Variants in MAF observed in about 807,000 individuals in gnomAD.
The protein encoded by MAF is transcription factor Maf.
In MAF, 10 loss-of-function variants were observed where a neutral mutation model predicts 22.0. That is an observed-to-expected ratio of 0.45 (90% CI 0.28 to 0.77). The LOEUF (loss-of-function observed/expected upper bound fraction) is 0.77. MAF is among the 30% of genes least tolerant of loss of function. MAF has a pLI of 0.12. For synonymous variants in MAF, 337 were observed against 255.8 expected, an observed-to-expected ratio of 1.32 and a Z score of -3.03; for missense variants, 544 against 548.4, an observed-to-expected ratio of 0.99 and a Z score of 0.08.
chr16:79,482,662 G>A, the MAF span, among the ~76,000 whole-genome samples: 9 of 152,106 alleles, frequency 5.9e-5, no homozygotes, highest in Non-Finnish European at 1.5e-5. Context: ...CATGCTCACA[G>A]CGTGGCCCTG....
At chr16:79,411,301 G>C in the MAF span, among the ~76,000 whole-genome samples, 3 of 152,030 alleles carry the variant, frequency 2.0e-5, no homozygotes, top group South Asian at 6.2e-4. Flanking sequence ...GAATTAATTG[G>C]GTTTTCTATG....
At chr16:79,344,702 T>G in the MAF span, among the ~76,000 whole-genome samples, 1 of 152,220 alleles carries the variant, frequency 6.6e-6, no homozygotes, top group Non-Finnish European at 1.5e-5. Flanking sequence ...GAGAGCTTAC[T>G]GAAACACTGA....
At chr16:79,585,662 A>T (rs1185655511), downstream of MAF, among the ~76,000 whole-genome samples, 1 of 152,214 alleles carries the variant, frequency 6.6e-6, no homozygotes, top group Non-Finnish European at 1.5e-5. Flanking sequence ...TGATTCTCAC[A>T]TATATCGCAT....
chr16:79,491,429 T>C, the MAF span, among the ~76,000 whole-genome samples: 1 of 152,162 alleles, frequency 6.6e-6, no homozygotes, highest in African/African-American at 2.4e-5. Flanking sequence ...TTCTTCTTTG[T>C]TGAACACAAG....
At chr16:79,237,831 C>T in the MAF span, among the ~76,000 whole-genome samples, 1 of 152,070 alleles carries the variant, frequency 6.6e-6, no homozygotes, top group South Asian at 2.1e-4. Flanking sequence ...TATTTCTAGA[C>T]ACTGACAAAT....
chr16:79,299,194 G>C, the MAF span, among the ~76,000 whole-genome samples: 1 of 152,120 alleles, frequency 6.6e-6, no homozygotes, highest in Non-Finnish European at 1.5e-5. Flanking sequence ...TTTGCCCTTT[G>C]GCTAAAAGCT....
At chr16:79,371,404 A>G in the MAF span, among the ~76,000 whole-genome samples, 1 of 152,148 alleles carries the variant, frequency 6.6e-6, no homozygotes, top group Non-Finnish European at 1.5e-5. Flanking sequence ...CCTCCTCTCA[A>G]TGGGACGAGT....
At chr16:79,330,090 A>C in the MAF span, among the ~76,000 whole-genome samples, 1 of 152,174 alleles carries the variant, frequency 6.6e-6, no homozygotes, top group African/African-American at 2.4e-5. Flanking sequence ...CTATTTTCAT[A>C]CCGATTTATT....
chr16:79,382,805 G>C, the MAF span, among the ~76,000 whole-genome samples: 1 of 152,182 alleles, frequency 6.6e-6, no homozygotes, highest in Non-Finnish European at 1.5e-5. Context: ...TTGAGGTTTG[G>C]AGCAAGGCAG....
chr16:79,426,852 GGT>G, the MAF span, among the ~76,000 whole-genome samples: 21 of 152,276 alleles, frequency 1.4e-4, no homozygotes, highest in Admixed American at 3.3e-4. Context: ...CAACACATAG[GGT>G]GTATAATAAA....
At chr16:79,218,347 G>C in the MAF span, among the ~76,000 whole-genome samples, 19 of 151,906 alleles carry the variant, frequency 1.3e-4, no homozygotes, top group South Asian at 4.2e-4. Context: ...CCCTACTGTG[G>C]GACATTTAGG....
At chr16:79,363,414 A>T in the MAF span, among the ~76,000 whole-genome samples, 1 of 152,248 alleles carries the variant, frequency 6.6e-6, no homozygotes, top group Admixed American at 6.5e-5. Flanking sequence ...GAACACTTCA[A>T]TTAGCCTACA....
the MAF span, among the ~76,000 whole-genome samples, chr16:79,563,910 G>A: frequency 6.6e-6 from 1 of 152,208 alleles, no homozygotes; most frequent in Non-Finnish European, 1.5e-5. Context: ...AAACTCCTCA[G>A]GACAGGATCA....
At chr16:79,552,844 T>C in the MAF span, among the ~76,000 whole-genome samples, 20,200 of 152,200 alleles carry the variant, frequency 0.13, 1,493 homozygotes, top group East Asian at 0.27. Flanking sequence ...TGGTAAATGT[T>C]GACACATGAG....
chr16:79,256,810 G>C, the MAF span, among the ~76,000 whole-genome samples: 1 of 152,078 alleles, frequency 6.6e-6, no homozygotes, highest in Non-Finnish European at 1.5e-5. Context: ...TCTCCCCATT[G>C]GTGCTCACGT....
downstream of MAF, among the ~76,000 whole-genome samples, chr16:79,590,464 CTTG>C (rs1373943930): frequency 6.6e-6 from 1 of 152,174 alleles, no homozygotes; most frequent in Non-Finnish European, 1.5e-5. Context: ...GCTTCTGCCA[CTTG>C]TTGGCCTGAG....
the MAF span, among the ~76,000 whole-genome samples, chr16:79,469,397 A>G: frequency 6.6e-6 from 1 of 151,896 alleles, no homozygotes; most frequent in Non-Finnish European, 1.5e-5. Flanking sequence ...TTGATGACCA[A>G]CTCTCCCGCC....
At chr16:79,387,805 T>C in the MAF span, among the ~76,000 whole-genome samples, 1 of 152,206 alleles carries the variant, frequency 6.6e-6, no homozygotes, top group African/African-American at 2.4e-5. Context: ...TAAAATAAAA[T>C]TAAATGATTA....
the MAF span, among the ~76,000 whole-genome samples, chr16:79,260,585 C>T: frequency 9.7e-4 from 147 of 152,110 alleles, no homozygotes; most frequent in Middle Eastern, 6.8e-3. Flanking sequence ...ATTCCCAATA[C>T]AGAAATTGTG....
Sources: gnomAD v4.1 joint callset for allele counts (sites outside exome capture counted in the v4.1 genomes callset) on GRCh38, gnomAD v4.1.1 for gene constraint, MANE v1.5 for transcripts, NCBI Gene and HGNC (gene_info 2026-07-23, HGNC 2026-07-21) for gene names.